The following SAMD3 variants were observed in gnomAD, a reference collection of about 807,000 sequenced individuals.
The protein encoded by SAMD3 is sterile alpha motif domain containing 3.
SAMD3 carries 63 observed loss-of-function variants against 58.5 expected under a neutral mutation model. That is an observed-to-expected ratio of 1.08 (90% CI 0.88 to 1.33). The LOEUF (loss-of-function observed/expected upper bound fraction) is 1.33, where lower values mean the gene tolerates loss of function less well. SAMD3 is among the 40% of genes most tolerant of loss of function. SAMD3 has a pLI of 0.00. For synonymous variants in SAMD3, 220 were observed against 210.3 expected (o/e 1.05, Z -0.40); for missense variants, 604 against 608.4 (o/e 0.99, Z 0.08).
At chr6:130,292,900 G>T (rs1023502951) in intron 2 of SAMD3, among the ~76,000 whole-genome samples, 9 of 152,180 alleles carry the variant, frequency 5.9e-5, no homozygotes, top group African/African-American at 2.2e-4. Flanking sequence ...TTACATGCGT[G>T]AACCACCATG....
intron 8 of SAMD3, among the ~76,000 whole-genome samples, chr6:130,169,802 C>G (rs887593394): frequency 2.6e-5 from 4 of 152,116 alleles, no homozygotes; most frequent in African/African-American, 7.2e-5. Flanking sequence ...GACTCGTGTC[C>G]AGGGGTGTGA....
chr6:130,266,784 T>TA (rs1774372992), intron 2 of SAMD3, among the ~76,000 whole-genome samples: 1 of 152,156 alleles, frequency 6.6e-6, no homozygotes, highest in Non-Finnish European at 1.5e-5. Context: ...GGCGAACTCC[T>TA]AGGCTTCCCT....
intron 1 of SAMD3, among the ~76,000 whole-genome samples, chr6:130,318,088 A>T (rs1776446483): frequency 1.3e-5 from 2 of 152,218 alleles, no homozygotes; most frequent in African/African-American, 4.8e-5. Context: ...GCTGGGGGCA[A>T]GAATCTAAAG....
At chr6:130,186,958 G>C (rs769876076) in intron 5 of SAMD3, among the ~76,000 whole-genome samples, 51 of 151,828 alleles carry the variant, frequency 3.4e-4, no homozygotes, top group Admixed American at 1.3e-4. Context: ...TTTTAGTATA[G>C]ACAGTGTTTC....
At chr6:130,213,736 C>T (rs1013815590) in intron 4 of SAMD3, among the ~76,000 whole-genome samples, 3 of 151,934 alleles carry the variant, frequency 2.0e-5, no homozygotes, top group Admixed American at 6.6e-5. Flanking sequence ...CAAATAAAAC[C>T]GTCCCCAAAC....
At chr6:130,182,019 CG>C (rs902551447) in intron 7 of SAMD3, among the ~76,000 whole-genome samples, 6 of 147,422 alleles carry the variant, frequency 4.1e-5, no homozygotes, top group Admixed American at 3.5e-4. Flanking sequence ...GAGTCGAGAT[CG>C]TGCCACTGCA....
At chr6:130,167,189 G>T (rs997200120) in intron 8 of SAMD3, among the ~76,000 whole-genome samples, 3 of 151,826 alleles carry the variant, frequency 2.0e-5, no homozygotes, top group African/African-American at 7.3e-5. Context: ...AACCGAATGA[G>T]GTAAAGAATC....
intron 1 of SAMD3, among the ~76,000 whole-genome samples, chr6:130,338,434 G>A (rs1220020380): frequency 1.3e-5 from 2 of 152,224 alleles, no homozygotes; most frequent in East Asian, 3.9e-4. Context: ...CCCCACTAGG[G>A]CACTGCCTAG....
At position 130,145,442 on chromosome 6, in the gene SAMD3, A is replaced by C. The variant is rs774212598; in HGVS notation, c.1196-20T>G. The C allele has an allele frequency of 6.4e-7, 1 of 1,550,656 alleles. No homozygotes were observed. The highest frequency in any genetic ancestry group is 2.2e-5 in the East Asian group (1 of 44,450). ...TCATGTCTGTCAAAGCAAATATGTT[A>C]ACATGTGAAGTAAAAATAAGCTTTT... On this transcript the variant is annotated intron_variant, in intron 10 of 11. Coordinates refer to ENST00000439090, the MANE Select transcript of SAMD3 (RefSeq NM_001017373.4).
chr6:130,146,617 G>A lies in SAMD3; in HGVS notation c.1024-436C>T, dbSNP rs148268098. On this transcript the variant is annotated intron_variant, in intron 9 of 11. Transcript: ENST00000439090. ...AAGCCCTGACAAATACTTAACCATA[G>A]TATCCTAAATTTAGGTAAAGGAGAG... 8.6e-3 allele frequency among the ~76,000 whole-genome samples: 1,313 copies of A among 152,266 alleles called. 10 individuals carry two copies. Among genetic ancestry groups the A allele is most frequent in the Non-Finnish European group, 0.012 (795 of 68,020 alleles).
chr6:130,234,405 T>A (rs551746450), intron 2 of SAMD3, among the ~76,000 whole-genome samples: 8 of 152,230 alleles, frequency 5.3e-5, no homozygotes, highest in Non-Finnish European at 1.2e-4. Flanking sequence ...AGAAACTTAA[T>A]GTTTAATTCA....
intron 5 of SAMD3, among the ~76,000 whole-genome samples, chr6:130,194,338 A>C (rs918261906): frequency 6.6e-6 from 1 of 152,202 alleles, no homozygotes; most frequent in Non-Finnish European, 1.5e-5. Flanking sequence ...AGACCCTAAA[A>C]GGTCAAAAGG....
intron 8 of SAMD3, chr6:130,160,137 C>T (rs924288559): frequency 6.6e-6 from 1 of 152,106 alleles, no homozygotes; most frequent in Non-Finnish European, 1.5e-5. Context: ...AAGTATAAAT[C>T]CTTGAAAAAA....
chr6:130,143,767 AAG>A (rs1788389490), downstream of SAMD3: 1 of 152,244 alleles, frequency 6.6e-6, no homozygotes, highest in African/African-American at 2.4e-5. Flanking sequence ...AATAGTTGGA[AAG>A]AGGGAGAGTG....
At chr6:130,269,134 G>A (rs1317272933) in intron 2 of SAMD3, among the ~76,000 whole-genome samples, 1 of 152,124 alleles carries the variant, frequency 6.6e-6, no homozygotes, top group East Asian at 1.9e-4. Context: ...TTTGGTATAA[G>A]TTGTGAAGTT....
chr6:130,163,765 T>C (rs1391109929), intron 8 of SAMD3, among the ~76,000 whole-genome samples: 2 of 152,110 alleles, frequency 1.3e-5, no homozygotes, highest in African/African-American at 4.8e-5. Flanking sequence ...CAACAGTAAG[T>C]GTTGTAAGAT....
chr6:130,231,770 A>G (rs17058556), intron 2 of SAMD3, among the ~76,000 whole-genome samples: 21,635 of 152,096 alleles, frequency 0.14, 1,749 homozygotes, highest in East Asian at 0.36. Context: ...TTCCTTGAGC[A>G]ATCAGGAATA....
At chr6:130,212,722 T>C (rs1039270422) in intron 4 of SAMD3, among the ~76,000 whole-genome samples, 1 of 152,240 alleles carries the variant, frequency 6.6e-6, no homozygotes, top group Non-Finnish European at 1.5e-5. Flanking sequence ...TAAACTGATT[T>C]GCAGTGGAAA....
intron 2 of SAMD3, among the ~76,000 whole-genome samples, chr6:130,311,071 G>A (rs1776137787): frequency 6.6e-6 from 1 of 152,098 alleles, no homozygotes; most frequent in Non-Finnish European, 1.5e-5. Flanking sequence ...CTGAGCCAGG[G>A]CCCTGACAAA....
Sources: gnomAD v4.1 joint callset for allele counts (sites outside exome capture counted in the v4.1 genomes callset) on GRCh38, gnomAD v4.1.1 for gene constraint, MANE v1.5 for transcripts, NCBI Gene and HGNC (gene_info 2026-07-23, HGNC 2026-07-21) for gene names.